MAOB: variants seen among roughly 807,000 people sequenced by gnomAD.
MAOB encodes the protein monoamine oxidase B.
Under a neutral mutation model 41.9 loss-of-function variants are expected in MAOB, and 15 were observed. The ratio of observed to expected loss-of-function variants is 0.36; its 90% CI spans 0.24 to 0.55. The LOEUF is 0.55. MAOB is among the 20% of genes least tolerant of loss of function. The pLI, the probability that MAOB is intolerant of heterozygous loss-of-function variation, is 0.86. For missense variants in MAOB, 345 were observed against 398.7 expected (o/e 0.87, Z 1.15); for synonymous variants, 167 against 144.2 (o/e 1.16, Z -1.13).
At chrX:43,769,445 G>C (rs760202604) in intron 12 of MAOB, 27 bp from the exon 13 acceptor site, 5 of 1,197,059 alleles carry the variant, frequency 4.2e-6, no homozygotes, top group Non-Finnish European at 5.6e-6. Flanking sequence ...AGAGGCAAAA[G>C]TGGTCAGTCT....
chrX:43,843,766 T>C lies in MAOB; in HGVS notation c.47-2A>G. On this transcript the variant is annotated splice_acceptor_variant, in intron 1 of 14. Transcript: ENST00000378069. LOFTEE classifies it high-confidence loss of function. ...GCAGAAGTTTGGCTGCTGCCATACC[T>C]GGGAGAAAAGACAGTAAGACATCAG... The C allele has an allele frequency of 8.3e-7, 1 of 1,209,188 alleles. No homozygotes were observed. Among genetic ancestry groups the C allele is most frequent in the Non-Finnish European group, 1.1e-6 (1 of 894,497 alleles).
At chrX:43,881,442 C>A (rs979330557) in intron 1 of MAOB, among the ~76,000 whole-genome samples, 5 of 112,837 alleles carry the variant, frequency 4.4e-5, no homozygotes, top group African/African-American at 1.6e-4. Context: ...ATCATTGATT[C>A]CCATTGACCC....
At position 43,793,541 on chromosome X, in the gene MAOB, C is replaced by A; in HGVS notation, c.806G>T (p.Gly269Val). 2.5e-6 allele frequency: 3 copies of A among 1,203,752 alleles called. No individual in the cohort carries two copies. Among genetic ancestry groups the A allele is most frequent in the Middle Eastern group, 2.3e-4 (1 of 4,335 alleles). The stretch of plus-strand genomic sequence containing the variant: ...AGGGGGATTGAAGTGAATCTTCATG[C>A]CCAGAGTAGGAGGAATAGCACTAAT... ...YVISAIPPTL[G>V]MKIHFNPPLP... The change falls in exon 8 of 15, where the codon GGC becomes GTC. Residue 269 changes from glycine to valine, a missense_variant. Coordinates refer to ENST00000378069, the MANE Select transcript of MAOB (RefSeq NM_000898.5).
intron 1 of MAOB, among the ~76,000 whole-genome samples, chrX:43,871,642 A>G (rs1383009182): frequency 1.9e-5 from 2 of 105,689 alleles, no homozygotes; most frequent in African/African-American, 6.9e-5. Context: ...ACCTAGCCCA[A>G]TGTTTGGTAA....
chrX:43,880,851 AG>A (rs758347334), intron 1 of MAOB, among the ~76,000 whole-genome samples: 20 of 112,512 alleles, frequency 1.8e-4, no homozygotes, highest in Non-Finnish European at 3.6e-4. Flanking sequence ...GCCTGAAAAG[AG>A]AAACTTCAGC....
intron 1 of MAOB, among the ~76,000 whole-genome samples, chrX:43,852,991 C>A (rs1326937061): frequency 9.0e-6 from 1 of 111,083 alleles, no homozygotes; most frequent in East Asian, 2.8e-4. Flanking sequence ...TTTGGTACAG[C>A]CAAGTTACAG....
At chrX:43,808,633 C>CATCTAT (rs4071606) in intron 3 of MAOB, among the ~76,000 whole-genome samples, 23,913 of 89,004 alleles carry the variant, frequency 0.27, 3,469 homozygotes, top group East Asian at 0.34. Flanking sequence ...GCATCCTGCA[C>CATCTAT]ATCTATATCT....
intron 11 of MAOB, among the ~76,000 whole-genome samples, chrX:43,776,742 A>T (rs2034263250): frequency 1.0e-5 from 1 of 97,841 alleles, no homozygotes; most frequent in Non-Finnish European, 2.1e-5. Flanking sequence ...GTATATCTCC[A>T]AATGCTATCC....
At chrX:43,778,596 C>A in intron 11 of MAOB, 86 bp downstream of exon 11, 1 of 755,243 alleles carries the variant, frequency 1.3e-6, no homozygotes, top group Non-Finnish European at 2.0e-6. Context: ...CTTCAGGACC[C>A]AACTTGCATT....
chrX:43,781,517 C>G lies in MAOB; in HGVS notation c.956G>C (p.Gly319Ala). ...KDYCGTMIID[G>A]EEAPVAYTLD... ...CGTGTAGGCAACTGGAGCTTCTTCT[C>G]CATCAATAATCATGGTTCCACAGTA... Residue 319 changes from glycine (G) to alanine (A), a missense_variant, in exon 9 of 15, where the codon GGA (glycine) becomes GCA (alanine). Transcript: ENST00000378069. 8.4e-6 allele frequency: 10 copies of G among 1,191,116 alleles called. No individual in the cohort carries two copies. The highest frequency in any genetic ancestry group is 1.1e-5 in the Non-Finnish European group (10 of 880,070).
intron 3 of MAOB, among the ~76,000 whole-genome samples, chrX:43,835,064 A>G (rs768993863): frequency 8.9e-6 from 1 of 112,394 alleles, no homozygotes; most frequent in African/African-American, 3.2e-5. Flanking sequence ...TTATTTGCCT[A>G]CATTGTACCA....
At chrX:43,805,999 T>C (rs1171253485) in intron 3 of MAOB, among the ~76,000 whole-genome samples, 2 of 112,624 alleles carry the variant, frequency 1.8e-5, no homozygotes, top group Non-Finnish European at 3.8e-5. Flanking sequence ...AAGTAATTTG[T>C]TTTACAAATT....
intron 3 of MAOB, among the ~76,000 whole-genome samples, chrX:43,826,227 AGGTG>A (rs2034945226): frequency 9.0e-6 from 1 of 111,496 alleles, no homozygotes; most frequent in South Asian, 3.7e-4. Flanking sequence ...TTAAGTGTTG[AGGTG>A]GGGGACCCTC....
chrX:43,838,056 A>C (rs1398646861), intron 3 of MAOB: 5 of 316,006 alleles, frequency 1.6e-5, no homozygotes, highest in Non-Finnish European at 3.1e-5. Context: ...AGGTTATTAG[A>C]ATGAATGTCC....
chrX:43,838,826 T>C (rs772547100), intron 3 of MAOB, 42 bp downstream of exon 3: 1 of 1,126,538 alleles, frequency 8.9e-7, no homozygotes, highest in Non-Finnish European at 1.2e-6. Context: ...GGAAACATCA[T>C]AGAGAAGTTT....
chrX:43,810,014 C>T (rs1207347933), intron 3 of MAOB, among the ~76,000 whole-genome samples: 1 of 99,803 alleles, frequency 1.0e-5, no homozygotes, highest in South Asian at 4.1e-4. Context: ...GAGGCCGAGG[C>T]GGGCGGATCA....
intron 1 of MAOB, among the ~76,000 whole-genome samples, chrX:43,870,607 A>G (rs1397659126): frequency 1.8e-5 from 2 of 109,022 alleles, no homozygotes; most frequent in African/African-American, 6.7e-5. Context: ...CATCCCGGCT[A>G]ACATGGTGAA....
chrX:43,882,251 A>G lies in MAOB; in HGVS notation c.46+3T>C, dbSNP rs781465651. The G allele has an allele frequency of 3.3e-6, 4 of 1,208,990 alleles. No individual in the cohort carries two copies. The highest frequency in any genetic ancestry group is 2.2e-5 in the Admixed American group (1 of 45,859). Reference sequence around the variant, plus strand: ...GGAAGGAGGGCGCACAGCCGCGACTAACCTGAGATGCCGCCCCCCACCACG... The same window carrying G: ...GGAAGGAGGGCGCACAGCCGCGACTGACCTGAGATGCCGCCCCCCACCACG... On this transcript the variant is annotated splice_donor_region_variant and intron_variant, in intron 1 of 14. Transcript: ENST00000378069.
In MAOB at chrX:43,878,408, TTGTG is replaced by T. The variant is rs66511222; in HGVS notation, c.46+3842_46+3845del. Among the ~76,000 whole-genome samples, 231 of 88,183 alleles carry T rather than the reference TTGTG, an allele frequency of 2.6e-3. 1 individual carries two copies. Among genetic ancestry groups the T allele is most frequent in the Admixed American group, 2.8e-3 (22 of 7,885 alleles). The allele number at this position is 88,183 out of a possible 115,157, so 76.6% of individuals were successfully genotyped here. A position where few individuals can be genotyped will look rare whatever the true frequency, so the allele number is the denominator to read the frequency against. The stretch of plus-strand genomic sequence containing the variant: ...AGGTGCACTCCTCTATACCCAGCCT[TTGTG>T]TGTGTGTGTGTGTGTGTGTGTGTGT... On this transcript the variant is annotated intron_variant, in intron 1 of 14. Coordinates refer to ENST00000378069, the MANE Select transcript of MAOB (RefSeq NM_000898.5).
Sources: gnomAD v4.1 joint callset for allele counts (sites outside exome capture counted in the v4.1 genomes callset) on GRCh38, gnomAD v4.1.1 for gene constraint, MANE v1.5 for transcripts, NCBI Gene and HGNC (gene_info 2026-07-23, HGNC 2026-07-21) for gene names.